ZBTB16: variants seen among roughly 807,000 people sequenced by gnomAD.
ZBTB16 encodes zinc finger and BTB domain containing 16.
ZBTB16 carries 8 observed loss-of-function variants against 56.8 expected under a neutral mutation model. That is an observed-to-expected ratio of 0.14 (90% CI 0.08 to 0.25). ZBTB16 has a LOEUF of 0.25. Among genes scored for constraint, ZBTB16 ranks in the 10% least tolerant of loss-of-function variants. ZBTB16 has a pLI of 1.00. For missense variants in ZBTB16, 625 were observed against 903.0 expected (o/e 0.69, Z 3.95); for synonymous variants, 363 against 368.5 (o/e 0.98, Z 0.17).
intron 4 of ZBTB16, among the ~76,000 whole-genome samples, chr11:114,228,807 C>G (rs1009051479): frequency 1.3e-5 from 2 of 152,252 alleles, no homozygotes; most frequent in East Asian, 3.9e-4. Flanking sequence ...CCCTTCCACC[C>G]TCTTGTCCAA....
chr11:114,068,243 TG>T (rs1555125372), intron 2 of ZBTB16, among the ~76,000 whole-genome samples: 1 of 151,454 alleles, frequency 6.6e-6, no homozygotes, highest in African/African-American at 2.4e-5. Context: ...CTTCTTGGGG[TG>T]GGGGGGCAGA....
At chr11:114,238,699 C>T (rs1944645543) in intron 4 of ZBTB16, among the ~76,000 whole-genome samples, 1 of 152,216 alleles carries the variant, frequency 6.6e-6, no homozygotes, top group Admixed American at 6.5e-5. Context: ...AGAATAAAGT[C>T]CAACCTGTCC....
At position 114,063,994 on chromosome 11, in the gene ZBTB16, G is replaced by A. The variant is rs2137653634; in HGVS notation, c.694G>A (p.Gly232Ser). The A allele has an allele frequency of 6.2e-7, 1 of 1,613,558 alleles. No individual in the cohort carries two copies. Among genetic ancestry groups the A allele is most frequent in the Non-Finnish European group, 8.5e-7 (1 of 1,179,842 alleles). The change falls in exon 2 of 7, where the codon GGT becomes AGT. Residue 232 changes from glycine to serine, a missense_variant. Coordinates refer to ENST00000335953, the MANE Select transcript of ZBTB16 (RefSeq NM_006006.6). The surrounding 1 kb of genome is among the most constrained non-coding windows in gnomAD (Gnocchi z 6.5). ...GCCCGAGGAGCCAACTCTGGCTGGG[G>A]GTGGGCGGCACCCTGGGGTGGCTGA... ...AGPEEPTLAG[G>S]GRHPGVAEVK...
chr11:114,102,622 C>T (rs1014998378), intron 2 of ZBTB16, among the ~76,000 whole-genome samples: 4 of 136,880 alleles, frequency 2.9e-5, no homozygotes, highest in Admixed American at 8.3e-5. Context: ...GCCTGTGTTT[C>T]TGGGATGATT....
intron 2 of ZBTB16, among the ~76,000 whole-genome samples, chr11:114,086,759 G>C (rs1456180329): frequency 6.6e-6 from 1 of 152,180 alleles, no homozygotes; most frequent in South Asian, 2.1e-4. Context: ...CATTTGCCCT[G>C]AGAGCTCCTC....
intron 4 of ZBTB16, among the ~76,000 whole-genome samples, chr11:114,215,510 T>C (rs912178100): frequency 4.6e-5 from 7 of 152,214 alleles, no homozygotes; most frequent in Non-Finnish European, 7.3e-5. Flanking sequence ...ATATTGCTTC[T>C]ACCTAGAAGT....
rs752943438 is a variant in ZBTB16, at chr11:114,250,276, C to T, written c.1793-50C>T. 3 of 1,592,366 alleles carry T rather than the reference C, an allele frequency of 1.9e-6. No homozygotes were observed. The highest frequency in any genetic ancestry group is 2.7e-5 in the African/African-American group (2 of 74,720). On this transcript the variant is annotated intron_variant, in intron 6 of 6. Coordinates refer to ENST00000335953, the MANE Select transcript of ZBTB16 (RefSeq NM_006006.6). The surrounding 1 kb of genome is among the most constrained non-coding windows in gnomAD (Gnocchi z 6.0). ...GCCTGAGGGTGACATGGTGCCCTCA[C>T]CGCCTTCTGTCTGTCCTCACTTTCT...
At chr11:114,068,348 A>AT (rs1450165146) in intron 2 of ZBTB16, among the ~76,000 whole-genome samples, 1 of 152,168 alleles carries the variant, frequency 6.6e-6, no homozygotes, top group Middle Eastern at 3.2e-3. Flanking sequence ...TTTCCCCATG[A>AT]TTTGATCCCA....
chr11:114,133,076 G>A (rs1000550633), intron 2 of ZBTB16, among the ~76,000 whole-genome samples: 2 of 152,124 alleles, frequency 1.3e-5, no homozygotes, highest in African/African-American at 4.8e-5. Flanking sequence ...TTATAGTGCA[G>A]CTACTCACAG....
At chr11:114,076,986 G>A (rs1939592680) in intron 2 of ZBTB16, among the ~76,000 whole-genome samples, 1 of 152,168 alleles carries the variant, frequency 6.6e-6, no homozygotes, top group African/African-American at 2.4e-5. Context: ...GGGAGAATAG[G>A]CCAAACCTTG....
At chr11:114,141,274 C>T (rs2134895407) in intron 2 of ZBTB16, among the ~76,000 whole-genome samples, 1 of 152,312 alleles carries the variant, frequency 6.6e-6, no homozygotes, top group South Asian at 2.1e-4. Context: ...TCGGAGCTTC[C>T]AGAGCCCCCG....
At chr11:114,229,871 G>A (rs892473249) in intron 4 of ZBTB16, among the ~76,000 whole-genome samples, 2 of 152,168 alleles carry the variant, frequency 1.3e-5, no homozygotes, top group Admixed American at 6.5e-5. Flanking sequence ...GCATGAATTG[G>A]TAATGATAGT....
intron 2 of ZBTB16, among the ~76,000 whole-genome samples, chr11:114,130,397 T>C (rs1214077916): frequency 6.6e-6 from 1 of 152,222 alleles, no homozygotes; most frequent in Non-Finnish European, 1.5e-5. Flanking sequence ...TCCACTTTCA[T>C]ATTTCAGGTT....
intron 4 of ZBTB16, among the ~76,000 whole-genome samples, chr11:114,227,427 G>C (rs1451923075): frequency 6.6e-6 from 1 of 152,222 alleles, no homozygotes; most frequent in Admixed American, 6.5e-5. Context: ...CAGAAGAGTT[G>C]AAGTCCAGAG....
intron 2 of ZBTB16, among the ~76,000 whole-genome samples, chr11:114,080,594 G>A (rs978342484): frequency 6.6e-6 from 1 of 152,160 alleles, no homozygotes. Flanking sequence ...AGTATTTAAG[G>A]CCAGGTTGTG....
At chr11:114,180,170 C>T (rs971193611) in intron 3 of ZBTB16, among the ~76,000 whole-genome samples, 2 of 152,036 alleles carry the variant, frequency 1.3e-5, no homozygotes, top group Non-Finnish European at 1.5e-5. Context: ...CTGGAGGTGT[C>T]GGGAAGTCAG....
At chr11:114,243,507 AG>A (rs1015389820) in intron 5 of ZBTB16, among the ~76,000 whole-genome samples, 1 of 152,204 alleles carries the variant, frequency 6.6e-6, no homozygotes, top group Admixed American at 6.5e-5. Flanking sequence ...CATTTTGTTC[AG>A]GGGAGCACAT....
intron 2 of ZBTB16, among the ~76,000 whole-genome samples, chr11:114,076,915 T>C (rs1331630971): frequency 6.6e-6 from 1 of 152,196 alleles, no homozygotes; most frequent in Admixed American, 6.5e-5. Context: ...AGAGTAGTTT[T>C]TGTTTTTTTG....
At chr11:114,153,300 T>C (rs1338999120) in intron 2 of ZBTB16, among the ~76,000 whole-genome samples, 1 of 152,244 alleles carries the variant, frequency 6.6e-6, no homozygotes, top group Non-Finnish European at 1.5e-5. Flanking sequence ...ATGAACTTTA[T>C]GTGCTTTGCC....
Sources: allele counts gnomAD v4.1 joint callset (sites outside exome capture counted in the v4.1 genomes callset), GRCh38; gene constraint gnomAD v4.1.1; non-coding constraint Gnocchi (gnomAD v3.1); transcripts MANE v1.5; gene names NCBI Gene and HGNC (gene_info 2026-07-23, HGNC 2026-07-21).